RASAL2: variants seen among roughly 807,000 people sequenced by gnomAD.
RASAL2 encodes the protein ras GTPase-activating protein nGAP.
In RASAL2, 58 loss-of-function variants were observed where a neutral mutation model predicts 128.9. That is an observed-to-expected ratio of 0.45 (90% confidence interval 0.36 to 0.56). RASAL2 has a LOEUF of 0.56. RASAL2 is among the 20% of genes least tolerant of loss of function. The pLI, the probability that RASAL2 is intolerant of heterozygous loss-of-function variation, is 0.00. For missense variants in RASAL2, 1,360 were observed against 1,601.6 expected (o/e 0.85, Z 2.57); for synonymous variants, 561 against 580.8 (o/e 0.97, Z 0.49).
At chr1:178,443,442 A>G (rs1676803746) in intron 8 of RASAL2, among the ~76,000 whole-genome samples, 2 of 152,184 alleles carry the variant, frequency 1.3e-5, no homozygotes, top group African/African-American at 2.4e-5. Context: ...TTTAAAGCCA[A>G]TTTGCATGAA....
chr1:178,463,175 C>A (rs1178105555), intron 14 of RASAL2, among the ~76,000 whole-genome samples: 1 of 151,982 alleles, frequency 6.6e-6, no homozygotes, highest in Non-Finnish European at 1.5e-5. Context: ...TTATGGAATT[C>A]TGGTCCTTAA....
rs1411706439 is a variant in RASAL2, at chr1:178,466,147, G to C, written c.3590+25G>C. 7 of 1,525,306 alleles carry C rather than the reference G, an allele frequency of 4.6e-6. No individual in the cohort carries two copies. In the Admixed American group the frequency reaches 8.9e-5, roughly 19 times the overall value. 94.5% of individuals were successfully genotyped at this position (1,525,306 alleles called of 1,614,324 possible). Reference sequence around the variant, plus strand: ...GGTTAGACATCACCTGGCAGCAGATGTGGGCTAGTTAGCAAGACAAAGAAT... The same window carrying C: ...GGTTAGACATCACCTGGCAGCAGATCTGGGCTAGTTAGCAAGACAAAGAAT... On this transcript the variant is annotated intron_variant, in intron 16 of 17. Transcript: ENST00000367649.
chr1:178,400,228 T>C (rs1673527066), intron 4 of RASAL2, among the ~76,000 whole-genome samples: 1 of 152,236 alleles, frequency 6.6e-6, no homozygotes, highest in African/African-American at 2.4e-5. Context: ...TAATGCTCAG[T>C]ATCCTCATTT....
chr1:178,166,031 G>A (rs922977752), intron 1 of RASAL2, among the ~76,000 whole-genome samples: 6 of 151,994 alleles, frequency 3.9e-5, no homozygotes, highest in Non-Finnish European at 8.8e-5. Flanking sequence ...CACCTTCACT[G>A]CTGGTATCAG....
rs189435726 is a variant in RASAL2 at position 178,255,676 on chromosome 1, G to A, written c.203-27888G>A. On this transcript the variant is annotated intron_variant, in intron 1 of 17. Transcript: ENST00000367649. ...TATGTATGGTAAGCCATAGAGAAACGAGGAAACAATAGCTTTTTTAAAAAA... is the reference window on the plus strand; with the variant it reads ...TATGTATGGTAAGCCATAGAGAAACAAGGAAACAATAGCTTTTTTAAAAAA... Among the ~76,000 whole-genome samples the A allele has an allele frequency of 2.6e-4, 40 of 152,094 alleles. 1 individual carries two copies. Among genetic ancestry groups the A allele is most frequent in the Admixed American group, 1.8e-3 (27 of 15,276 alleles).
rs1428920697 is a variant in RASAL2 at position 178,317,628 on chromosome 1, C to T, written c.457+17510C>T. 1.6e-3 allele frequency among the ~76,000 whole-genome samples: 241 copies of T among 148,892 alleles called. 1 individual carries two copies. The highest frequency in any genetic ancestry group is 5.0e-3 in the African/African-American group (201 of 40,102). ...ATGGTAGTTTGTATTTCTGTGGGAT[C>T]GGTGGTGATATCCCCTTTATCATTT... On this transcript the variant is annotated intron_variant, in intron 3 of 17. Transcript: ENST00000367649.
At chr1:178,107,489 T>C (rs1255156831) in intron 1 of RASAL2, among the ~76,000 whole-genome samples, 2 of 152,128 alleles carry the variant, frequency 1.3e-5, no homozygotes, top group Non-Finnish European at 2.9e-5. Context: ...CAAATTTTCA[T>C]TTTAAGTTTG....
At chr1:178,371,321 C>A (rs1557936873) in intron 3 of RASAL2, among the ~76,000 whole-genome samples, 1 of 127,254 alleles carries the variant, frequency 7.9e-6, no homozygotes, top group East Asian at 2.2e-4. Context: ...AGCCTTCTTT[C>A]CCACACACAC....
chr1:178,413,564 C>G (rs1398193472), intron 4 of RASAL2, among the ~76,000 whole-genome samples: 1 of 152,166 alleles, frequency 6.6e-6, no homozygotes, highest in African/African-American at 2.4e-5. Context: ...ATCCTCTCAC[C>G]TAGTATTTAG....
chr1:178,465,915 C>G lies in RASAL2; in HGVS notation c.3388-5C>G, dbSNP rs954524147. On this transcript the variant is annotated splice_polypyrimidine_tract_variant and splice_region_variant and intron_variant, in intron 15 of 17. Coordinates refer to ENST00000367649, the MANE Select transcript of RASAL2 (RefSeq NM_170692.4). ...GTTTTTGTCTCCTTGCCTCCTCTGC[C>G]CTAGTATGAACAAGAAATTACTAAA... 4.1e-5 allele frequency: 63 copies of G among 1,543,700 alleles called. No homozygotes were observed. The highest frequency in any genetic ancestry group is 5.4e-5 in the Non-Finnish European group (62 of 1,144,728).
chr1:178,364,860 T>C (rs1187332586), intron 3 of RASAL2, among the ~76,000 whole-genome samples: 1 of 152,178 alleles, frequency 6.6e-6, no homozygotes. Flanking sequence ...CTGGGTCTTT[T>C]TGAGAAGGAG....
intron 1 of RASAL2, among the ~76,000 whole-genome samples, chr1:178,161,943 G>GATTT (rs1242275985): frequency 2.4e-4 from 36 of 151,108 alleles, no homozygotes; most frequent in African/African-American, 4.4e-4. Context: ...TTTGATTGTT[G>GATTT]ATTTATTTAT....
Position 178,433,898 on chromosome 1 carries a change from CAA to C in RASAL2, c.675-5523_675-5522del, listed in dbSNP as rs1237041541. 3.3e-5 allele frequency among the ~76,000 whole-genome samples: 5 copies of C among 150,784 alleles called. No individual in the cohort carries two copies. In the East Asian group the frequency reaches 5.9e-4, roughly 18 times the overall value. On this transcript the variant is annotated intron_variant, in intron 5 of 17. Transcript: ENST00000367649. The stretch of plus-strand genomic sequence containing the variant: ...CACCACTGCACTCCAGCCTGGGCAA[CAA>C]GAGAGAAACTATGTCTCAAAAAAAA...
chr1:178,466,688 A>G (rs1647736290), intron 16 of RASAL2, among the ~76,000 whole-genome samples: 1 of 152,252 alleles, frequency 6.6e-6, no homozygotes, highest in South Asian at 2.1e-4. Flanking sequence ...CAAATTCATT[A>G]AGTCACTTGC....
chr1:178,288,167 G>T (rs1667118505), intron 2 of RASAL2, among the ~76,000 whole-genome samples: 1 of 152,162 alleles, frequency 6.6e-6, no homozygotes. Context: ...CACCAAGCAT[G>T]CTGCTTCTCG....
intron 1 of RASAL2, among the ~76,000 whole-genome samples, chr1:178,111,519 C>T (rs1286765694): frequency 2.6e-5 from 4 of 151,950 alleles, no homozygotes; most frequent in Admixed American, 1.3e-4. Context: ...CAGCAGTGTA[C>T]GTAGGTTCCA....
At chr1:178,333,063 C>CT (rs1322838152) in intron 3 of RASAL2, among the ~76,000 whole-genome samples, 1 of 151,986 alleles carries the variant, frequency 6.6e-6, no homozygotes, top group African/African-American at 2.4e-5. Flanking sequence ...GAGTCTCGCT[C>CT]TATCGCCCAG....
At position 178,353,828 on chromosome 1, in the gene RASAL2, G is replaced by T. The variant is rs187213854; in HGVS notation, c.458-36272G>T. 3.9e-3 allele frequency among the ~76,000 whole-genome samples: 589 copies of T among 152,246 alleles called. 4 individuals are homozygous for T. Among genetic ancestry groups the T allele is most frequent in the Non-Finnish European group, 6.3e-3 (428 of 68,014 alleles). On this transcript the variant is annotated intron_variant, in intron 3 of 17. Transcript: ENST00000367649. ...CCTGAGGGTAGAGAATTATACAAGG[G>T]TGTGGTGGCTCATGCCTGTAGTCCC...
At chr1:178,267,412 T>C (rs1571742377) in intron 1 of RASAL2, among the ~76,000 whole-genome samples, 1 of 152,068 alleles carries the variant, frequency 6.6e-6, no homozygotes, top group East Asian at 1.9e-4. Flanking sequence ...TTTTTATCAG[T>C]ATTCAATGTT....
Sources: gnomAD v4.1 joint callset for allele counts (sites outside exome capture counted in the v4.1 genomes callset) on GRCh38, gnomAD v4.1.1 for gene constraint, MANE v1.5 for transcripts, NCBI Gene and HGNC (gene_info 2026-07-23, HGNC 2026-07-21) for gene names.